BAG4: variants seen among roughly 807,000 people sequenced by gnomAD.
The protein encoded by BAG4 is BAG family molecular chaperone regulator 4.
Under a neutral mutation model 52.1 loss-of-function variants are expected in BAG4, and 28 were observed. The observed-to-expected ratio is 0.54, with a 90% CI of 0.40 to 0.74. The LOEUF is 0.74. Among genes scored for constraint, BAG4 ranks in the 30% least tolerant of loss-of-function variants. The probability of loss-of-function intolerance (pLI) is 0.00; values close to 1 mark genes in which losing one functional copy is unlikely to be tolerated. For missense variants in BAG4, 525 were observed against 572.0 expected (o/e 0.92, Z 0.84); for synonymous variants, 208 against 217.0 (o/e 0.96, Z 0.37).
At chr8:38,195,504 T>G (rs565465847) in intron 2 of BAG4, among the ~76,000 whole-genome samples, 1 of 152,292 alleles carries the variant, frequency 6.6e-6, no homozygotes, top group East Asian at 1.9e-4. Context: ...TTGCCTAGGC[T>G]GGTTTCAAAC....
At chr8:38,190,183 C>A (rs1199762157) in intron 1 of BAG4, among the ~76,000 whole-genome samples, 2 of 152,192 alleles carry the variant, frequency 1.3e-5, no homozygotes, top group East Asian at 3.8e-4. Context: ...TTTATCTTTC[C>A]TTGTCCTCGT....
At chr8:38,201,631 G>A (rs534446578) in intron 2 of BAG4, 2 of 151,736 alleles carry the variant, frequency 1.3e-5, no homozygotes, top group South Asian at 4.2e-4. Flanking sequence ...GACTCCTATA[G>A]TGGTATATAG....
In BAG4 at chr8:38,176,888, T is replaced by C; in HGVS notation, c.19T>C (p.Ser7Pro). The change falls in exon 1 of 5, where the codon TCG (serine) becomes CCG (proline). Residue 7 changes from serine to proline, a missense_variant. By Grantham distance (74) the Ser-to-Pro change is moderately conservative. Transcript: ENST00000287322. MSALRR[S>P]GYGPSDGPSY... ...GGATCCCATGTCGGCCCTGAGGCGC[T>C]CGGGCTACGGCCCCAGTGACGGTCC... is the stretch of plus-strand genomic sequence containing the variant. The C allele has an allele frequency of 7.1e-6, 11 of 1,540,724 alleles. No individual in the cohort carries two copies. Among genetic ancestry groups the C allele is most frequent in the Non-Finnish European group, 9.6e-6 (11 of 1,142,198 alleles).
chr8:38,198,922 C>G (rs1024383385), intron 2 of BAG4, among the ~76,000 whole-genome samples: 1 of 152,156 alleles, frequency 6.6e-6, no homozygotes, highest in African/African-American at 2.4e-5. Flanking sequence ...CAGGTGGGAA[C>G]TGTCATCTCC....
At chr8:38,188,036 CAAAAA>C (rs1157770485) in intron 1 of BAG4, among the ~76,000 whole-genome samples, 1 of 37,138 alleles carries the variant, frequency 2.7e-5, no homozygotes, top group African/African-American at 1.1e-4. Context: ...GACTCCGTCT[CAAAAA>C]AAAAAAAAAA....
At chr8:38,201,849 TATATATA>T (rs1563283938) in intron 2 of BAG4, 15 of 6,356 alleles carry the variant, frequency 2.4e-3, no homozygotes, top group Non-Finnish European at 5.6e-3. Context: ...TATATATATA[TATATATA>T]TATATATATA....
rs577611064 is a variant in BAG4, at chr8:38,177,023, G to C, written c.154G>C (p.Val52Leu). 335 of 1,603,356 alleles carry C rather than the reference G, an allele frequency of 2.1e-4. 6 individuals are homozygous for C. The South Asian group carries it at 3.6e-3, about 17-fold the overall frequency. Residue 52 changes from valine (V) to leucine (L), a missense_variant, in exon 1 of 5, where the codon GTG becomes CTG. Transcript: ENST00000287322. ...EPPQPPISWRVRGGGPAETTW... is the reference protein window; with the variant it reads ...EPPQPPISWRLRGGGPAETTW... ...TCCCCAGCCTCCCATTTCCTGGCGGGTGCGCGGGGGCGGCCCGGCGGAGAC... is the reference window on the plus strand; with the variant it reads ...TCCCCAGCCTCCCATTTCCTGGCGGCTGCGCGGGGGCGGCCCGGCGGAGAC...
At position 38,208,454 on chromosome 8, in the gene BAG4, C is replaced by T. The variant is rs150771595; in HGVS notation, c.634-559C>T. On this transcript the variant is annotated intron_variant, in intron 3 of 4. Transcript: ENST00000287322. ...CCTCCCGAGTAGCTGGGACTACAAG[C>T]GCCCGCCACCGCGCCCAGCTAATTT... Among the ~76,000 whole-genome samples, 1,378 of 150,748 alleles carry T rather than the reference C, an allele frequency of 9.1e-3. 16 individuals carry two copies. Among genetic ancestry groups the T allele is most frequent in the Middle Eastern group, 0.024 (7 of 290 alleles).
At chr8:38,183,296 C>G (rs1803305658) in intron 1 of BAG4, among the ~76,000 whole-genome samples, 1 of 152,074 alleles carries the variant, frequency 6.6e-6, no homozygotes. Flanking sequence ...ATCCACCTGC[C>G]TCAGCCTCCC....
intron 1 of BAG4, among the ~76,000 whole-genome samples, chr8:38,179,506 C>T (rs1411858883): frequency 6.6e-6 from 1 of 151,718 alleles, no homozygotes; most frequent in Non-Finnish European, 1.5e-5. Context: ...GGTGACATGC[C>T]TGTAATCCCA....
Position 38,206,395 on chromosome 8 carries a change from G to A in BAG4, c.379-1117G>A, listed in dbSNP as rs1803770090. 2.0e-5 allele frequency among the ~76,000 whole-genome samples: 3 copies of A among 151,932 alleles called. No individual in the cohort carries two copies. In the South Asian group the frequency reaches 6.2e-4, roughly 32 times the overall value. ...TGGATTATTAAACTGAGGATTCTGG[G>A]TGTGGATAAGAGTCTGAATAGGTTA... is the stretch of plus-strand genomic sequence containing the variant. On this transcript the variant is annotated intron_variant, in intron 2 of 4. Transcript: ENST00000287322.
chr8:38,191,444 G>A (rs920426200), intron 1 of BAG4, among the ~76,000 whole-genome samples: 15 of 152,094 alleles, frequency 9.9e-5, no homozygotes, highest in Non-Finnish European at 1.8e-4. Context: ...AAAAAATGTC[G>A]AAGGTCCTGT....
chr8:38,176,861 G>T lies in BAG4; in HGVS notation c.-9G>T. 1.3e-6 allele frequency: 2 copies of T among 1,498,032 alleles called. No individual in the cohort carries two copies. The highest frequency in any genetic ancestry group is 2.6e-5 in the South Asian group (2 of 77,436). The allele number at this position is 1,498,032 out of a possible 1,614,324, so 92.8% of individuals were successfully genotyped here. On this transcript the variant is annotated 5_prime_UTR_variant, in exon 1 of 5. Coordinates refer to ENST00000287322, the MANE Select transcript of BAG4 (RefSeq NM_004874.4). ...GCGGGGCGGGAAGCGCTTCAGGGCA[G>T]CGGATCCCATGTCGGCCCTGAGGCG...
At chr8:38,205,202 ATTTTTTTTTTT>A (rs35284937) in intron 2 of BAG4, among the ~76,000 whole-genome samples, 14 of 79,240 alleles carry the variant, frequency 1.8e-4, no homozygotes, top group Admixed American at 3.9e-4. Flanking sequence ...CAGCTAATTA[ATTTTTTTTTTT>A]TTTTTTTTTT....
chr8:38,199,341 A>C (rs1803619534), intron 2 of BAG4, among the ~76,000 whole-genome samples: 1 of 152,224 alleles, frequency 6.6e-6, no homozygotes, highest in Non-Finnish European at 1.5e-5. Flanking sequence ...TATGATTTGC[A>C]AATAGTTTCT....
At chr8:38,185,033 G>A (rs974503878) in intron 1 of BAG4, among the ~76,000 whole-genome samples, 2 of 150,742 alleles carry the variant, frequency 1.3e-5, no homozygotes, top group African/African-American at 4.9e-5. Context: ...AGATTGCATT[G>A]AGCCGAGATC....
rs1384215941 is a variant in BAG4 at position 38,212,182 on chromosome 8, T to C, written c.*1689T>C. 2 of 152,190 alleles carry C rather than the reference T, an allele frequency of 1.3e-5. No individual in the cohort carries two copies. The highest frequency in any genetic ancestry group is 2.4e-5 in the African/African-American group (1 of 41,450). 9.4% of individuals were successfully genotyped at this position (152,190 alleles called of 1,614,324 possible). A position where few individuals can be genotyped will look rare whatever the true frequency, so the allele number is the denominator to read the frequency against. On this transcript the variant is annotated 3_prime_UTR_variant, in exon 5 of 5. Coordinates refer to ENST00000287322, the MANE Select transcript of BAG4 (RefSeq NM_004874.4). ...CTTTTCTATGAAAATTAGAAATTTA[T>C]ACTTGAAATTAAAAGTCTAGAAGGG...
At chr8:38,180,427 G>A (rs1326022757) in intron 1 of BAG4, among the ~76,000 whole-genome samples, 1 of 149,096 alleles carries the variant, frequency 6.7e-6, no homozygotes, top group African/African-American at 2.5e-5. Context: ...GGGCACTGAG[G>A]CAGGAGGATC....
At chr8:38,188,610 TATATATACATGTACAC>T in intron 1 of BAG4, among the ~76,000 whole-genome samples, 2 of 149,668 alleles carry the variant, frequency 1.3e-5, no homozygotes, top group East Asian at 1.9e-4. Flanking sequence ...CATGTATACA[TATATATACATGTACAC>T]ATATATATAC....
Sources: allele counts gnomAD v4.1 joint callset (sites outside exome capture counted in the v4.1 genomes callset), GRCh38; gene constraint gnomAD v4.1.1; transcripts MANE v1.5; gene names NCBI Gene and HGNC (gene_info 2026-07-23, HGNC 2026-07-21).